The following HCN1 variants were observed in gnomAD, a reference collection of about 807,000 sequenced individuals.
HCN1 encodes the protein potassium/sodium hyperpolarization-activated cyclic nucleotide-gated channel 1.
HCN1 carries 13 observed loss-of-function variants against 78.9 expected under a neutral mutation model. The observed-to-expected ratio is 0.16, with a 90% CI of 0.11 to 0.26. The LOEUF (loss-of-function observed/expected upper bound fraction) is 0.26, where lower values mean the gene tolerates loss of function less well. Among genes scored for constraint, HCN1 ranks in the 10% least tolerant of loss-of-function variants. The pLI, the probability that HCN1 is intolerant of heterozygous loss-of-function variation, is 1.00. For synonymous variants in HCN1, 552 were observed against 455.5 expected (o/e 1.21, Z -2.70); for missense variants, 810 against 1,154.3 (o/e 0.70, Z 4.32).
chr5:45,347,203 G>A (rs1428505069), intron 5 of HCN1, among the ~76,000 whole-genome samples: 1 of 152,182 alleles, frequency 6.6e-6, no homozygotes, highest in Non-Finnish European at 1.5e-5. Flanking sequence ...AGAATTTGTG[G>A]TTCACGAAAA....
chr5:45,691,877 C>T lies in HCN1; in HGVS notation c.425+3792G>A, dbSNP rs755817450. Among the ~76,000 whole-genome samples, 3 of 152,172 alleles carry T rather than the reference C, an allele frequency of 2.0e-5. 1 individual carries two copies. The highest frequency in any genetic ancestry group is 6.8e-3 in the Middle Eastern group (2 of 294). On this transcript the variant is annotated intron_variant, in intron 1 of 7. Transcript: ENST00000303230. Reference sequence around the variant, plus strand: ...AGCAGAGATGGAAGAACGGATGTGACGGTATCTTCAGGAAGTAACTCCCAT... The same window carrying T: ...AGCAGAGATGGAAGAACGGATGTGATGGTATCTTCAGGAAGTAACTCCCAT...
At chr5:45,655,044 T>C (rs148975991) in intron 1 of HCN1, among the ~76,000 whole-genome samples, 1 of 152,290 alleles carries the variant, frequency 6.6e-6, no homozygotes, top group African/African-American at 2.4e-5. Flanking sequence ...ACATATCATT[T>C]GGATTATTGT....
At chr5:45,634,065 C>T (rs956353918) in intron 2 of HCN1, among the ~76,000 whole-genome samples, 10 of 151,866 alleles carry the variant, frequency 6.6e-5, no homozygotes, top group Non-Finnish European at 1.3e-4. Flanking sequence ...GGTAATAGGG[C>T]GGCAGGAAGA....
chr5:45,443,329 T>C (rs1407075389), intron 3 of HCN1, among the ~76,000 whole-genome samples: 1 of 152,092 alleles, frequency 6.6e-6, no homozygotes, highest in East Asian at 1.9e-4. Context: ...TGAACTTTTG[T>C]ACATCAAATT....
At chr5:45,571,745 T>G (rs1743841049) in intron 2 of HCN1, among the ~76,000 whole-genome samples, 1 of 151,950 alleles carries the variant, frequency 6.6e-6, no homozygotes, top group Non-Finnish European at 1.5e-5. Flanking sequence ...TGAAACCCCG[T>G]CTCTACTAAA....
At chr5:45,349,182 C>T (rs1444093811) in intron 5 of HCN1, among the ~76,000 whole-genome samples, 1 of 152,140 alleles carries the variant, frequency 6.6e-6, no homozygotes, top group Non-Finnish European at 1.5e-5. Context: ...TCTCTCAGAC[C>T]ACAGTGCAAT....
At chr5:45,606,301 T>C (rs1459557683) in intron 2 of HCN1, among the ~76,000 whole-genome samples, 1 of 151,924 alleles carries the variant, frequency 6.6e-6, no homozygotes, top group Non-Finnish European at 1.5e-5. Flanking sequence ...ACAGATTGTG[T>C]GTGGGGTAGG....
chr5:45,276,290 A>AATTC (rs1015875893), intron 6 of HCN1, among the ~76,000 whole-genome samples: 3 of 152,070 alleles, frequency 2.0e-5, no homozygotes, highest in African/African-American at 7.2e-5. Flanking sequence ...TTAATGCAAA[A>AATTC]ATTCATTCAT....
rs1158430323 is a variant in HCN1, at chr5:45,373,830, AT to A, written c.1231-20585del. ...ATATATTACATACGGTATATACGTC[AT>A]CTATAATATATTACATACGGTATAT... On this transcript the variant is annotated intron_variant, in intron 4 of 7. Coordinates refer to ENST00000303230, the MANE Select transcript of HCN1 (RefSeq NM_021072.4). Among the ~76,000 whole-genome samples the A allele has an allele frequency of 7.7e-5, 10 of 130,374 alleles. No individual in the cohort carries two copies. The East Asian group carries it at 1.3e-3, about 18-fold the overall frequency. The allele number at this position is 130,374 out of a possible 152,430, so 85.5% of individuals were successfully genotyped here.
intron 2 of HCN1, among the ~76,000 whole-genome samples, chr5:45,476,238 A>G (rs1412092577): frequency 6.6e-6 from 1 of 152,106 alleles, no homozygotes; most frequent in African/African-American, 2.4e-5. Context: ...AACTGGTAAG[A>G]GAGCCCTCAC....
At chr5:45,374,114 A>G (rs1248646523) in intron 4 of HCN1, among the ~76,000 whole-genome samples, 2 of 93,890 alleles carry the variant, frequency 2.1e-5, no homozygotes, top group Non-Finnish European at 4.0e-5. Context: ...TATTATATAC[A>G]TAATATATAT....
intron 1 of HCN1, among the ~76,000 whole-genome samples, chr5:45,653,844 C>G (rs1367506066): frequency 6.6e-6 from 1 of 151,886 alleles, no homozygotes. Context: ...GGGTGCAGCG[C>G]ACCAGCATGT....
chr5:45,309,512 T>C (rs887606443), intron 5 of HCN1, among the ~76,000 whole-genome samples: 3 of 152,206 alleles, frequency 2.0e-5, no homozygotes, highest in South Asian at 2.1e-4. Context: ...TTGTCATATA[T>C]GGCTCTTATT....
At chr5:45,556,132 C>T (rs1743463708) in intron 2 of HCN1, among the ~76,000 whole-genome samples, 1 of 151,902 alleles carries the variant, frequency 6.6e-6, no homozygotes. Flanking sequence ...GGAAACTCCC[C>T]AGGACATTGG....
At chr5:45,317,811 A>T (rs1377967905) in intron 5 of HCN1, among the ~76,000 whole-genome samples, 1 of 152,236 alleles carries the variant, frequency 6.6e-6, no homozygotes, top group Admixed American at 6.5e-5. Flanking sequence ...GACACATGAA[A>T]AAATGCTCAT....
chr5:45,612,286 G>T (rs1458113850), intron 2 of HCN1, among the ~76,000 whole-genome samples: 1 of 151,954 alleles, frequency 6.6e-6, no homozygotes, highest in African/African-American at 2.4e-5. Flanking sequence ...AAACTTTAAT[G>T]GCAATTATTA....
intron 5 of HCN1, among the ~76,000 whole-genome samples, chr5:45,314,886 C>T (rs1407646487): frequency 6.6e-6 from 1 of 152,076 alleles, no homozygotes; most frequent in Non-Finnish European, 1.5e-5. Context: ...TATATGCACC[C>T]AATACAGGAG....
At chr5:45,528,465 A>ATCGCT (rs1474989342) in intron 2 of HCN1, among the ~76,000 whole-genome samples, 1 of 151,988 alleles carries the variant, frequency 6.6e-6, no homozygotes, top group African/African-American at 2.4e-5. Context: ...TTTGATTAAT[A>ATCGCT]TCGCTTCTGA....
chr5:45,429,128 A>G (rs768617987), intron 3 of HCN1, among the ~76,000 whole-genome samples: 9 of 152,216 alleles, frequency 5.9e-5, no homozygotes, highest in Non-Finnish European at 8.8e-5. Flanking sequence ...ATGCTCAAAG[A>G]AGTTAATGTG....
Sources: allele counts gnomAD v4.1 joint callset (sites outside exome capture counted in the v4.1 genomes callset), GRCh38; gene constraint gnomAD v4.1.1; transcripts MANE v1.5; gene names NCBI Gene and HGNC (gene_info 2026-07-23, HGNC 2026-07-21).